OSBP2: variants seen among roughly 807,000 people sequenced by gnomAD.
OSBP2 encodes the protein oxysterol-binding protein 2.
OSBP2 carries 66 observed loss-of-function variants against 96.0 expected under a neutral mutation model. That is an observed-to-expected ratio of 0.69 (90% CI 0.56 to 0.84). The LOEUF is 0.84. Ranked by LOEUF, OSBP2 falls within the 40% of genes least tolerant of loss-of-function variation. OSBP2 has a pLI of 0.00. For missense variants in OSBP2, 1,038 were observed against 1,222.7 expected (o/e 0.85, Z 2.25); for synonymous variants, 525 against 520.9 (o/e 1.01, Z -0.11).
chr22:30,889,630 C>T lies in OSBP2; in HGVS notation c.1617C>T (p.Pro539=). ...NCIGRELSRI[P]MPVNFNEPLS... is the part of the protein sequence containing the mutation. Reference sequence around the variant, plus strand: ...TCGGCCGGGAGCTCTCCAGGATCCCCATGCCGGTGGGTGGCTCGGGCAGGG... The same window carrying T: ...TCGGCCGGGAGCTCTCCAGGATCCCTATGCCGGTGGGTGGCTCGGGCAGGG... Residue 539 remains proline (P), a synonymous_variant, in exon 7 of 14, where the codon CCC becomes CCT. Coordinates refer to ENST00000332585, the MANE Select transcript of OSBP2 (RefSeq NM_030758.4). 2 of 1,613,900 alleles carry T rather than the reference C, an allele frequency of 1.2e-6. No homozygotes were observed. Among genetic ancestry groups the T allele is most frequent in the Non-Finnish European group, 1.7e-6 (2 of 1,179,996 alleles).
At chr22:30,829,877 AAG>A (rs2038485560) in intron 2 of OSBP2, among the ~76,000 whole-genome samples, 1 of 152,182 alleles carries the variant, frequency 6.6e-6, no homozygotes, top group African/African-American at 2.4e-5. Flanking sequence ...CCTCTGGGCA[AAG>A]AGAGGGCTGC....
At chr22:30,764,287 C>T (rs1033280990) in intron 2 of OSBP2, 22 of 356,362 alleles carry the variant, frequency 6.2e-5, no homozygotes, top group South Asian at 1.2e-4. Flanking sequence ...GTGGGGTGGG[C>T]GGGGATGAGG....
Position 30,905,906 on chromosome 22 carries a change from A to T in OSBP2, c.2445A>T (p.Val815=). The T allele has an allele frequency of 6.2e-7, 1 of 1,613,068 alleles. No individual in the cohort carries two copies. Among genetic ancestry groups the T allele is most frequent in the Non-Finnish European group, 8.5e-7 (1 of 1,179,674 alleles). Residue 815 remains valine, a synonymous_variant, in exon 13 of 14, where the codon GTA becomes GTT. Coordinates refer to ENST00000332585, the MANE Select transcript of OSBP2 (RefSeq NM_030758.4). ...CCCTCAACGAGCACGAGGAGGGCGT[A>T]GCGCCAACCGACAGCCGCCTGCGGC... ...ALTLNEHEEG[V]APTDSRLRPD...
chr22:30,857,905 T>C (rs1458535874), intron 2 of OSBP2, among the ~76,000 whole-genome samples: 1 of 152,212 alleles, frequency 6.6e-6, no homozygotes, highest in African/African-American at 2.4e-5. Flanking sequence ...CCGTGCTCTC[T>C]GCAGAACTCG....
intron 2 of OSBP2, among the ~76,000 whole-genome samples, chr22:30,825,683 C>T (rs1041175461): frequency 2.0e-5 from 3 of 152,180 alleles, no homozygotes; most frequent in African/African-American, 7.2e-5. Context: ...ACGTAAGTCA[C>T]GAGAGCAGAA....
intron 2 of OSBP2, among the ~76,000 whole-genome samples, chr22:30,848,645 A>C (rs1011884055): frequency 4.6e-5 from 7 of 152,162 alleles, no homozygotes; most frequent in African/African-American, 1.7e-4. Flanking sequence ...CTATAGTTTT[A>C]CTTGTTCTAG....
chr22:30,822,757 G>A (rs1195528475), intron 2 of OSBP2: 1 of 1,454,028 alleles, frequency 6.9e-7, no homozygotes, highest in African/African-American at 1.4e-5. Flanking sequence ...GGCTCCCCGC[G>A]CATGCACGCC....
chr22:30,896,268 C>T (rs543073573), intron 12 of OSBP2, among the ~76,000 whole-genome samples: 22 of 152,192 alleles, frequency 1.4e-4, no homozygotes, highest in African/African-American at 5.1e-4. Flanking sequence ...GATCGGCACA[C>T]CTCGGCCTCC....
chr22:30,794,482 C>T (rs911497020), intron 2 of OSBP2, among the ~76,000 whole-genome samples: 15 of 151,894 alleles, frequency 9.9e-5, no homozygotes, highest in Admixed American at 8.5e-4. Context: ...TCAGGCTGGT[C>T]TTGAACTCCT....
At chr22:30,745,732 A>G (rs35040353) in intron 2 of OSBP2, among the ~76,000 whole-genome samples, 748 of 151,780 alleles carry the variant, frequency 4.9e-3, no homozygotes, top group Non-Finnish European at 8.9e-3. Flanking sequence ...AAAAACCAAT[A>G]GAGAGAATGA....
chr22:30,703,953 C>T (rs1360173970), intron 1 of OSBP2, among the ~76,000 whole-genome samples: 2 of 152,164 alleles, frequency 1.3e-5, no homozygotes, highest in African/African-American at 4.8e-5. Flanking sequence ...CCAGTTTATG[C>T]TTTCAGTGCA....
At chr22:30,874,223 T>G (rs943268690) in intron 3 of OSBP2, among the ~76,000 whole-genome samples, 13 of 148,924 alleles carry the variant, frequency 8.7e-5, no homozygotes, top group African/African-American at 3.3e-4. Context: ...AACGACAGAG[T>G]GAGACTCTGT....
At chr22:30,761,767 G>T (rs1439791362) in intron 2 of OSBP2, among the ~76,000 whole-genome samples, 2 of 152,152 alleles carry the variant, frequency 1.3e-5, no homozygotes, top group Non-Finnish European at 2.9e-5. Flanking sequence ...ACAGAATGGA[G>T]AGTCCAGAAA....
rs568898063 is a variant in OSBP2 at position 30,890,457 on chromosome 22, G to T, written c.1624-271G>T. On this transcript the variant is annotated intron_variant, in intron 7 of 13. Coordinates refer to ENST00000332585, the MANE Select transcript of OSBP2 (RefSeq NM_030758.4). This position sits in a 1 kb window ranked among gnomAD's most constrained non-coding sequence, Gnocchi z 4.4. ...GGCAGAACCCCTGGCCTTGGTGGGTGTCCATCCGAGCAGAGGAGAGCAACA... is the reference window on the plus strand; with the variant it reads ...GGCAGAACCCCTGGCCTTGGTGGGTTTCCATCCGAGCAGAGGAGAGCAACA... Among the ~76,000 whole-genome samples, 6 of 152,334 alleles carry T rather than the reference G, an allele frequency of 3.9e-5. No homozygotes were observed. The highest frequency in any genetic ancestry group is 1.4e-4 in the African/African-American group (6 of 41,584).
chr22:30,704,303 A>G (rs893139847), intron 1 of OSBP2, among the ~76,000 whole-genome samples: 1 of 152,202 alleles, frequency 6.6e-6, no homozygotes, highest in African/African-American at 2.4e-5. Context: ...GTCTGGGGAA[A>G]AACAGCTGCA....
At chr22:30,902,208 C>T (rs2040228200) in intron 12 of OSBP2, 1 of 1,309,090 alleles carries the variant, frequency 7.6e-7, no homozygotes, top group Non-Finnish European at 1.1e-6. Context: ...GAAGGAGTCG[C>T]TCACAGAGCC....
At chr22:30,801,501 G>A (rs2090851264) in intron 2 of OSBP2, among the ~76,000 whole-genome samples, 1 of 152,112 alleles carries the variant, frequency 6.6e-6, no homozygotes, top group South Asian at 2.1e-4. Flanking sequence ...TAGCAGCCGT[G>A]GTCAGTGAAT....
At chr22:30,724,733 G>T (rs1269419490) in intron 1 of OSBP2, among the ~76,000 whole-genome samples, 4 of 152,174 alleles carry the variant, frequency 2.6e-5, no homozygotes, top group African/African-American at 9.7e-5. Context: ...GGGCAGGGAC[G>T]AGACAGTCCA....
At chr22:30,753,831 G>C (rs571009780) in intron 2 of OSBP2, among the ~76,000 whole-genome samples, 1 of 152,218 alleles carries the variant, frequency 6.6e-6, no homozygotes, top group Non-Finnish European at 1.5e-5. Flanking sequence ...GAAGTTATGA[G>C]AGGGATTTGA....
Sources: gnomAD v4.1 joint callset for allele counts (sites outside exome capture counted in the v4.1 genomes callset) on GRCh38, gnomAD v4.1.1 for gene constraint, Gnocchi (gnomAD v3.1) non-coding constraint, MANE v1.5 for transcripts, NCBI Gene and HGNC (gene_info 2026-07-23, HGNC 2026-07-21) for gene names.